TRMT11: variants seen among roughly 807,000 people sequenced by gnomAD.
TRMT11 encodes tRNA methyltransferase 11.
A neutral mutation model predicts 62.8 loss-of-function variants in TRMT11; 53 were observed. The observed-to-expected ratio is 0.84, with a 90% CI of 0.68 to 1.06. The LOEUF (loss-of-function observed/expected upper bound fraction) is 1.06. Ranked by LOEUF, TRMT11 falls within the 50% of genes least tolerant of loss-of-function variation. The pLI, the probability that TRMT11 is intolerant of heterozygous loss-of-function variation, is 0.00. For missense variants in TRMT11, 556 were observed against 553.4 expected, an observed-to-expected ratio of 1.00 and a Z score of -0.05; for synonymous variants, 188 against 190.3, an observed-to-expected ratio of 0.99 and a Z score of 0.10.
chr6:126,258,133 G>A, the TRMT11 span: 1 of 819,660 alleles, frequency 1.2e-6, no homozygotes, highest in Non-Finnish European at 2.1e-6. Context: ...TGTGTCAGCT[G>A]CTCCATGATC....
chr6:126,157,272 A>G (rs549624372), intron 21 of TRMT11, among the ~76,000 whole-genome samples: 23 of 152,312 alleles, frequency 1.5e-4, no homozygotes, highest in African/African-American at 5.1e-4. Flanking sequence ...AGAATTGACA[A>G]TAGATTATTG....
intron 17 of TRMT11, among the ~76,000 whole-genome samples, chr6:126,059,311 A>G (rs1231838943): frequency 6.6e-6 from 1 of 152,110 alleles, no homozygotes; most frequent in Admixed American, 6.6e-5. Flanking sequence ...AAGATTCTGG[A>G]CCCTGAAAGA....
chr6:126,115,538 C>T (rs1777577312), intron 20 of TRMT11, among the ~76,000 whole-genome samples: 1 of 152,016 alleles, frequency 6.6e-6, no homozygotes, highest in South Asian at 2.1e-4. Context: ...TTTTCTAGTC[C>T]TTAGTATCCC....
At chr6:126,190,512 T>A (rs1373123312) in intron 1 of TRMT11, among the ~76,000 whole-genome samples, 1 of 152,174 alleles carries the variant, frequency 6.6e-6, no homozygotes, top group Non-Finnish European at 1.5e-5. Flanking sequence ...CTGTTAAGCC[T>A]GCAGAACTAC....
chr6:126,217,077 T>C, the TRMT11 span, among the ~76,000 whole-genome samples: 1 of 152,234 alleles, frequency 6.6e-6, no homozygotes, highest in Admixed American at 6.5e-5. Context: ...CCCGAATTGC[T>C]GCTTGATTCT....
the TRMT11 span, among the ~76,000 whole-genome samples, chr6:126,239,508 T>C: frequency 6.6e-6 from 1 of 152,220 alleles, no homozygotes; most frequent in Non-Finnish European, 1.5e-5. Context: ...TTGAAAATTC[T>C]TTTCTTTAAG....
intron 16 of TRMT11, among the ~76,000 whole-genome samples, chr6:126,048,990 A>G (rs926958078): frequency 4.6e-5 from 7 of 152,232 alleles, no homozygotes; most frequent in Non-Finnish European, 1.0e-4. Context: ...TGGTATGACA[A>G]TGATACGCCT....
intron 21 of TRMT11, among the ~76,000 whole-genome samples, chr6:126,125,390 A>G (rs1025411909): frequency 6.6e-6 from 1 of 151,868 alleles, no homozygotes; most frequent in African/African-American, 2.4e-5. Flanking sequence ...TTCACTTGTA[A>G]ATGTTCATCT....
chr6:126,223,632 T>A, the TRMT11 span, among the ~76,000 whole-genome samples: 3 of 152,144 alleles, frequency 2.0e-5, no homozygotes, highest in Non-Finnish European at 4.4e-5. Context: ...AATGACTATG[T>A]GTCTTGGAGA....
At chr6:126,152,356 A>G (rs2128223237) in intron 21 of TRMT11, among the ~76,000 whole-genome samples, 1 of 152,228 alleles carries the variant, frequency 6.6e-6, no homozygotes, top group East Asian at 1.9e-4. Flanking sequence ...GAAGAACAGG[A>G]TAGTGGACAC....
rs114398915 is a variant in TRMT11 at position 126,011,082 on chromosome 6, T to C, written c.761-171T>C. 1.3e-3 allele frequency among the ~76,000 whole-genome samples: 200 copies of C among 152,330 alleles called. 1 individual carries two copies. The highest frequency in any genetic ancestry group is 4.6e-3 in the African/African-American group (193 of 41,584). ...TAGACATCAGTACATTTTACTGTTA[T>C]GTTGAAATTAAAATAACTATTTACT... On this transcript the variant is annotated intron_variant, in intron 8 of 12. Coordinates refer to ENST00000334379, the MANE Select transcript of TRMT11 (RefSeq NM_001031712.3).
the TRMT11 span, among the ~76,000 whole-genome samples, chr6:126,252,323 A>G: frequency 6.6e-6 from 1 of 152,186 alleles, no homozygotes; most frequent in Non-Finnish European, 1.5e-5. Flanking sequence ...TGGGATGGCC[A>G]ACAAGAGTGC....
intron 1 of TRMT11, 26 bp downstream of exon 1, chr6:125,986,648 T>C (rs774579659): frequency 2.6e-6 from 4 of 1,564,748 alleles, no homozygotes; most frequent in Non-Finnish European, 3.5e-6. Context: ...CCTCCGGAAC[T>C]TCCGACGGAA....
At chr6:126,200,647 T>C (rs1041751259) in intron 3 of TRMT11, among the ~76,000 whole-genome samples, 28 of 152,234 alleles carry the variant, frequency 1.8e-4, no homozygotes, top group Admixed American at 1.8e-3. Flanking sequence ...CTCCGCCTCT[T>C]GGGTTCACGA....
chr6:126,137,706 T>G (rs1777868329), intron 21 of TRMT11, among the ~76,000 whole-genome samples: 1 of 152,046 alleles, frequency 6.6e-6, no homozygotes, highest in East Asian at 1.9e-4. Flanking sequence ...AGCCAAGATA[T>G]GGAATCAACC....
intron 21 of TRMT11, among the ~76,000 whole-genome samples, chr6:126,127,433 G>A (rs933853347): frequency 2.0e-5 from 3 of 151,886 alleles, no homozygotes; most frequent in Non-Finnish European, 2.9e-5. Flanking sequence ...ATATATTTGG[G>A]TTCTGGTTTT....
intron 11 of TRMT11, among the ~76,000 whole-genome samples, chr6:126,019,796 C>T (rs1045838269): frequency 2.0e-5 from 3 of 152,134 alleles, no homozygotes; most frequent in African/African-American, 7.2e-5. Flanking sequence ...AGAATTTATT[C>T]TTTCATGTCA....
intron 11 of TRMT11, among the ~76,000 whole-genome samples, chr6:126,020,341 C>A (rs1456000152): frequency 6.6e-6 from 1 of 152,214 alleles, no homozygotes; most frequent in East Asian, 1.9e-4. Context: ...CCCTCCCTTG[C>A]TGTTCTTTCA....
chr6:126,038,437 CAA>C (rs72178194), intron 12 of TRMT11, among the ~76,000 whole-genome samples: 67 of 129,180 alleles, frequency 5.2e-4, no homozygotes, highest in Non-Finnish European at 6.0e-4. Flanking sequence ...TGCCCTGAGG[CAA>C]AAAAAAAAAA....
Sources: gnomAD v4.1 joint callset for allele counts (sites outside exome capture counted in the v4.1 genomes callset) on GRCh38, gnomAD v4.1.1 for gene constraint, MANE v1.5 for transcripts, NCBI Gene and HGNC (gene_info 2026-07-23, HGNC 2026-07-21) for gene names.